The following ALOX5 variants were observed in gnomAD, a reference collection of about 807,000 sequenced individuals.
The protein encoded by ALOX5 is polyunsaturated fatty acid 5-lipoxygenase.
In ALOX5, 64 loss-of-function variants were observed where a neutral mutation model predicts 87.9. That is an observed-to-expected ratio of 0.73 (90% CI 0.60 to 0.90). The LOEUF (loss-of-function observed/expected upper bound fraction) is 0.90, where lower values mean the gene tolerates loss of function less well. Among genes scored for constraint, ALOX5 ranks in the 40% least tolerant of loss-of-function variants. The probability of loss-of-function intolerance (pLI) is 0.00; values close to 1 mark genes in which losing one functional copy is unlikely to be tolerated. For synonymous variants in ALOX5, 388 were observed against 355.1 expected, an observed-to-expected ratio of 1.09 and a Z score of -1.04; for missense variants, 822 against 907.5, an observed-to-expected ratio of 0.91 and a Z score of 1.21.
chr10:45,394,538 A>G (rs35171919), intron 2 of ALOX5, among the ~76,000 whole-genome samples: 34,661 of 152,044 alleles, frequency 0.23, 4,085 homozygotes, highest in African/African-American at 0.26. Flanking sequence ...TCAGGACATA[A>G]GCATGGGCAA....
intron 1 of ALOX5, among the ~76,000 whole-genome samples, chr10:45,381,450 A>G (rs1430021551): frequency 2.0e-5 from 3 of 152,246 alleles, no homozygotes; most frequent in African/African-American, 7.2e-5. Context: ...GTGTGACTCC[A>G]GCTCTGCTGG....
intron 9 of ALOX5, chr10:45,441,709 C>T (rs1420519374): frequency 2.2e-6 from 1 of 453,036 alleles, no homozygotes. Context: ...TGGGTGTAGA[C>T]CCCCCTCTGG....
chr10:45,445,446 G>A, intron 13 of ALOX5, 62 bp from the exon 14 acceptor site: 2 of 1,565,824 alleles, frequency 1.3e-6, no homozygotes, highest in Admixed American at 3.5e-5. Context: ...GGATGAGACA[G>A]GCCTGTCAGT....
chr10:45,413,656 C>T (rs4949002), intron 4 of ALOX5, among the ~76,000 whole-genome samples: 39,386 of 152,010 alleles, frequency 0.26, 6,295 homozygotes, highest in Admixed American at 0.37. Flanking sequence ...TCAAATTGTC[C>T]CTGTTTGTAG....
At chr10:45,395,560 C>G (rs569472057) in intron 2 of ALOX5, among the ~76,000 whole-genome samples, 2 of 150,848 alleles carry the variant, frequency 1.3e-5, no homozygotes, top group Non-Finnish European at 1.5e-5. Context: ...ACATATGTAA[C>G]AAACCTGCAC....
intron 4 of ALOX5, among the ~76,000 whole-genome samples, chr10:45,422,614 ATG>A: frequency 6.6e-6 from 1 of 152,202 alleles, no homozygotes; most frequent in African/African-American, 2.4e-5. Flanking sequence ...TGCCCTCAGC[ATG>A]CATAGGGCAG....
At chr10:45,443,636 G>A (rs1397234182) in intron 11 of ALOX5, 92 bp from the exon 12 acceptor site, 15 of 1,551,128 alleles carry the variant, frequency 9.7e-6, no homozygotes, top group Non-Finnish European at 1.1e-5. Context: ...GGTGCCCTCC[G>A]GCCTTGGGGC....
chr10:45,414,586 A>G (rs1440389865), intron 4 of ALOX5, among the ~76,000 whole-genome samples: 3 of 152,234 alleles, frequency 2.0e-5, no homozygotes, highest in Non-Finnish European at 4.4e-5. Context: ...AAATGGACAA[A>G]TGGGATCTAA....
chr10:45,392,839 A>T (rs1649131168), intron 2 of ALOX5, among the ~76,000 whole-genome samples: 1 of 152,250 alleles, frequency 6.6e-6, no homozygotes, highest in Non-Finnish European at 1.5e-5. Flanking sequence ...AAGCAAATTA[A>T]CTAGAAAATC....
chr10:45,393,691 A>G (rs2132711239), intron 2 of ALOX5, among the ~76,000 whole-genome samples: 1 of 152,354 alleles, frequency 6.6e-6, no homozygotes, highest in South Asian at 2.1e-4. Flanking sequence ...ACATGATTGT[A>G]TATTTAGAAA....
chr10:45,436,806 A>G (rs1262934344), intron 7 of ALOX5, among the ~76,000 whole-genome samples: 4 of 152,036 alleles, frequency 2.6e-5, no homozygotes, highest in African/African-American at 7.3e-5. Flanking sequence ...TGATAATTTG[A>G]TAGGAATTGT....
At chr10:45,441,262 TG>T in intron 8 of ALOX5, 81 bp from the exon 9 acceptor site, 2 of 1,254,582 alleles carry the variant, frequency 1.6e-6, no homozygotes, top group Non-Finnish European at 2.3e-6. Context: ...AGGGCAGGCC[TG>T]GGTGGGGGAG....
chr10:45,388,547 TG>T (rs1338761378), intron 2 of ALOX5, among the ~76,000 whole-genome samples: 3 of 152,262 alleles, frequency 2.0e-5, no homozygotes, highest in Non-Finnish European at 2.9e-5. Context: ...TTCGCTGTTC[TG>T]CAGCCTCTGC....
intron 4 of ALOX5, among the ~76,000 whole-genome samples, chr10:45,423,665 C>A (rs934007924): frequency 3.3e-5 from 5 of 152,242 alleles, no homozygotes; most frequent in African/African-American, 1.2e-4. Context: ...AACTGTTCAT[C>A]GCCCCAAAAG....
chr10:45,397,699 C>T (rs1840561150), intron 3 of ALOX5, among the ~76,000 whole-genome samples: 1 of 151,728 alleles, frequency 6.6e-6, no homozygotes, highest in Admixed American at 6.6e-5. Flanking sequence ...TATACATTAA[C>T]AACCAACTAT....
chr10:45,441,110 G>C (rs1842220657), intron 8 of ALOX5, among the ~76,000 whole-genome samples: 1 of 152,222 alleles, frequency 6.6e-6, no homozygotes, highest in Non-Finnish European at 1.5e-5. Context: ...AAAGAGGTAA[G>C]CATTGTACAA....
chr10:45,408,499 T>C (rs189807449), intron 3 of ALOX5, among the ~76,000 whole-genome samples: 116 of 152,344 alleles, frequency 7.6e-4, no homozygotes, highest in African/African-American at 2.5e-3. Context: ...AAACAAAGTT[T>C]TTTATCATGC....
At chr10:45,397,693 C>T (rs1257824822) in intron 3 of ALOX5, among the ~76,000 whole-genome samples, 1 of 151,898 alleles carries the variant, frequency 6.6e-6, no homozygotes, top group East Asian at 1.9e-4. Flanking sequence ...TTTTTCTATA[C>T]ATTAACAACC....
intron 2 of ALOX5, among the ~76,000 whole-genome samples, chr10:45,391,363 G>A (rs1361616803): frequency 1.4e-4 from 21 of 152,206 alleles, no homozygotes; most frequent in Non-Finnish European, 2.4e-4. Context: ...CCGAGGTGCC[G>A]GGATTGCAGA....
Sources: allele counts gnomAD v4.1 joint callset (sites outside exome capture counted in the v4.1 genomes callset), GRCh38; gene constraint gnomAD v4.1.1; transcripts MANE v1.5; gene names NCBI Gene and HGNC (gene_info 2026-07-23, HGNC 2026-07-21).